Variants in RCSD1 observed in about 807,000 individuals in gnomAD.
RCSD1 encodes the protein RCSD domain containing 1, also known as capZ-interacting protein.
In RCSD1, 26 loss-of-function variants were observed where a neutral mutation model predicts 42.5. The ratio of observed to expected loss-of-function variants is 0.61; its 90% CI spans 0.45 to 0.85. The LOEUF is 0.85. Ranked by LOEUF, RCSD1 falls within the 40% of genes least tolerant of loss-of-function variation. The pLI is 0.00. For missense variants in RCSD1, 571 were observed against 528.3 expected (o/e 1.08, Z -0.79); for synonymous variants, 220 against 212.2 (o/e 1.04, Z -0.32).
chr1:167,700,453 C>G (rs1312473475), intron 6 of RCSD1, among the ~76,000 whole-genome samples: 2 of 151,906 alleles, frequency 1.3e-5, no homozygotes, highest in African/African-American at 4.8e-5. Flanking sequence ...TCGAGACCAT[C>G]CTGGCTAACA....
chr1:167,693,544 G>C (rs1659427222), intron 4 of RCSD1, among the ~76,000 whole-genome samples: 1 of 152,172 alleles, frequency 6.6e-6, no homozygotes, highest in South Asian at 2.1e-4. Flanking sequence ...TATTAAGAGG[G>C]AACCTGATAC....
intron 1 of RCSD1, chr1:167,641,901 C>T (rs41270724): frequency 6.6e-6 from 1 of 152,204 alleles, no homozygotes; most frequent in African/African-American, 2.4e-5. Context: ...ATGCCACAAT[C>T]TTAGTGGCTG....
At chr1:167,689,431 G>A (rs180699352) in intron 3 of RCSD1, among the ~76,000 whole-genome samples, 70 of 149,290 alleles carry the variant, frequency 4.7e-4, no homozygotes, top group African/African-American at 1.6e-3. Flanking sequence ...GCAGTGAGCC[G>A]AGATTGCGCC....
At chr1:167,675,010 T>G (rs918260213) in intron 1 of RCSD1, among the ~76,000 whole-genome samples, 3 of 151,900 alleles carry the variant, frequency 2.0e-5, no homozygotes, top group Non-Finnish European at 4.4e-5. Flanking sequence ...ATCAAGACCA[T>G]CCTGGCTAAC....
intron 1 of RCSD1, among the ~76,000 whole-genome samples, chr1:167,678,678 G>A (rs1244433371): frequency 4.6e-5 from 7 of 152,024 alleles, no homozygotes; most frequent in Non-Finnish European, 8.8e-5. Flanking sequence ...CTCAGGTCAC[G>A]TCCCTCCTTG....
chr1:167,697,152 G>C lies in RCSD1; in HGVS notation c.528G>C (p.Arg176Ser), dbSNP rs767648949. The C allele has an allele frequency of 4.3e-6, 7 of 1,614,068 alleles. No individual in the cohort carries two copies. Among genetic ancestry groups the C allele is most frequent in the Non-Finnish European group, 8.5e-7 (1 of 1,180,044 alleles). ...KRRPPSRRFR[R>S]SQSDCGELGD... Reference sequence around the variant, plus strand: ...GCCCTCCCTCCAGGCGATTCCGAAGGTCACAGTCAGACTGTGGAGAACTTG... The same window carrying C: ...GCCCTCCCTCCAGGCGATTCCGAAGCTCACAGTCAGACTGTGGAGAACTTG... The change falls in exon 6 of 7, where the codon AGG (arginine) becomes AGC (serine). Residue 176 changes from arginine (R) to serine (S), a missense_variant. Transcript: ENST00000367854.
chr1:167,642,843 G>GGAA (rs1303527212), intron 1 of RCSD1, among the ~76,000 whole-genome samples: 1 of 152,190 alleles, frequency 6.6e-6, no homozygotes, highest in African/African-American at 2.4e-5. Context: ...TTGTCCCTAA[G>GGAA]GAAGGAGTTG....
chr1:167,693,990 G>A, intron 4 of RCSD1, 109 bp from the exon 5 acceptor site: 1 of 970,602 alleles, frequency 1.0e-6, no homozygotes, highest in Non-Finnish European at 1.6e-6. Flanking sequence ...TGAAAAGCCT[G>A]GTGTTACCTA....
intron 4 of RCSD1, among the ~76,000 whole-genome samples, chr1:167,692,909 T>G (rs748207904): frequency 2.0e-5 from 3 of 151,852 alleles, no homozygotes; most frequent in Non-Finnish European, 4.4e-5. Flanking sequence ...CAAGGGGAGC[T>G]GGGAGGGAGA....
intron 1 of RCSD1, among the ~76,000 whole-genome samples, chr1:167,665,432 T>C (rs1468032064): frequency 6.6e-6 from 1 of 152,258 alleles, no homozygotes; most frequent in Non-Finnish European, 1.5e-5. Context: ...AAGATTTGTA[T>C]ACAAGTATTT....
In RCSD1 at chr1:167,659,578, AGGCGT is replaced by A. The variant is rs1324470410; in HGVS notation, c.7-24319_7-24315del. ...TCAGAATGCCATGAACTGCAGAGCC[AGGCGT>A]GGGAATCCAGCAAAGCATGCTGGGA... On this transcript the variant is annotated intron_variant, in intron 1 of 6. Coordinates refer to ENST00000367854, the MANE Select transcript of RCSD1 (RefSeq NM_052862.4). Among the ~76,000 whole-genome samples, 4 of 152,208 alleles carry A rather than the reference AGGCGT, an allele frequency of 2.6e-5. No homozygotes were observed. The East Asian group carries it at 7.7e-4, about 29-fold the overall frequency.
At chr1:167,695,331 A>G (rs1367791694) in intron 5 of RCSD1, among the ~76,000 whole-genome samples, 1 of 152,194 alleles carries the variant, frequency 6.6e-6, no homozygotes, top group Non-Finnish European at 1.5e-5. Context: ...AGCAAGAGGA[A>G]GTTATTTTGG....
intron 5 of RCSD1, 144 bp from the exon 6 acceptor site, chr1:167,696,955 A>G (rs1198531247): frequency 1.3e-5 from 9 of 704,284 alleles, no homozygotes; most frequent in South Asian, 8.5e-5. Flanking sequence ...ATAGCAAACA[A>G]TGATTCGTTC....
chr1:167,646,043 C>T (rs1465463950), intron 1 of RCSD1, among the ~76,000 whole-genome samples: 1 of 152,208 alleles, frequency 6.6e-6, no homozygotes, highest in African/African-American at 2.4e-5. Flanking sequence ...GCGAAACCAA[C>T]TGCGGGAAGA....
At chr1:167,659,028 T>C (rs1314748504) in intron 1 of RCSD1, among the ~76,000 whole-genome samples, 1 of 152,162 alleles carries the variant, frequency 6.6e-6, no homozygotes, top group Non-Finnish European at 1.5e-5. Context: ...GAGGGTTCCT[T>C]ATCTCCATTT....
chr1:167,630,493 C>A (rs971220159), intron 1 of RCSD1, 64 bp downstream of exon 1: 131 of 1,459,790 alleles, frequency 9.0e-5, no homozygotes, highest in Non-Finnish European at 1.2e-4. Flanking sequence ...GCCCCTTCCC[C>A]GGGCGGCTGC....
chr1:167,646,899 G>C (rs1230473302), intron 1 of RCSD1, among the ~76,000 whole-genome samples: 1 of 152,118 alleles, frequency 6.6e-6, no homozygotes, highest in East Asian at 1.9e-4. Context: ...GGAGGACAAG[G>C]AGGGTGGATC....
chr1:167,647,336 C>A (rs1658183087), intron 1 of RCSD1, among the ~76,000 whole-genome samples: 1 of 151,806 alleles, frequency 6.6e-6, no homozygotes, highest in African/African-American at 2.4e-5. Context: ...CACCTGTAAT[C>A]TCAGCACTTT....
intron 1 of RCSD1, among the ~76,000 whole-genome samples, chr1:167,674,629 T>A (rs1385666744): frequency 1.3e-5 from 2 of 152,150 alleles, no homozygotes; most frequent in African/African-American, 4.8e-5. Context: ...TCACCCCACC[T>A]CCTGTCTTCC....
Sources: gnomAD v4.1 joint callset for allele counts (sites outside exome capture counted in the v4.1 genomes callset) on GRCh38, gnomAD v4.1.1 for gene constraint, MANE v1.5 for transcripts, NCBI Gene and HGNC (gene_info 2026-07-23, HGNC 2026-07-21) for gene names.